Variants in MGST1 observed in about 807,000 individuals in gnomAD.
The protein encoded by MGST1 is glutathione S-transferase 12.
In MGST1, 5 loss-of-function variants were observed where a neutral mutation model predicts 8.9. The ratio of observed to expected loss-of-function variants is 0.56; its 90% CI spans 0.29 to 1.19. The LOEUF is 1.19. Among genes scored for constraint, MGST1 ranks in the 50% most tolerant of loss-of-function variants. The probability of loss-of-function intolerance (pLI) is 0.08; values close to 1 mark genes in which losing one functional copy is unlikely to be tolerated. For missense variants in MGST1, 182 were observed against 187.4 expected (o/e 0.97, Z 0.17); for synonymous variants, 54 against 67.8 (o/e 0.80, Z 1.00).
chr12:16,373,241 G>C (rs531595273), intron 3 of MGST1, among the ~76,000 whole-genome samples: 2 of 151,902 alleles, frequency 1.3e-5, no homozygotes, highest in East Asian at 3.9e-4. Context: ...GGTTACTAGA[G>C]AGGTTGGGAA....
intron 4 of MGST1, among the ~76,000 whole-genome samples, chr12:16,554,883 C>A (rs549670706): frequency 9.8e-4 from 149 of 152,236 alleles, no homozygotes; most frequent in Admixed American, 2.2e-3. Flanking sequence ...TGGTCTCGAT[C>A]TCCCAACCTC....
At chr12:16,406,945 G>A (rs1177905835) in intron 1 of MGST1, among the ~76,000 whole-genome samples, 2 of 152,000 alleles carry the variant, frequency 1.3e-5, no homozygotes, top group Non-Finnish European at 2.9e-5. Context: ...TGAAAACTAA[G>A]TTATAAACAC....
downstream of MGST1, among the ~76,000 whole-genome samples, chr12:16,440,789 T>C (rs1346654501): frequency 6.6e-6 from 1 of 151,804 alleles, no homozygotes; most frequent in Non-Finnish European, 1.5e-5. Context: ...AGTTATAGAA[T>C]TGGTTTTTAT....
intron 4 of MGST1, among the ~76,000 whole-genome samples, chr12:16,557,630 T>G (rs968032931): frequency 2.0e-5 from 3 of 152,114 alleles, no homozygotes; most frequent in African/African-American, 7.2e-5. Flanking sequence ...TTGTGATATA[T>G]GTCTTGTGGG....
chr12:16,456,624 G>A (rs1941175147), intron 4 of MGST1, among the ~76,000 whole-genome samples: 1 of 151,842 alleles, frequency 6.6e-6, no homozygotes, highest in Non-Finnish European at 1.5e-5. Flanking sequence ...TTCCAACAGA[G>A]GTTGAGGGCT....
intron 1 of MGST1, among the ~76,000 whole-genome samples, chr12:16,421,868 A>G (rs1940839057): frequency 6.6e-6 from 1 of 152,154 alleles, no homozygotes; most frequent in Non-Finnish European, 1.5e-5. Context: ...CAGGGGTCCA[A>G]TGTAATTAGC....
At chr12:16,554,795 T>G (rs775213865) in intron 4 of MGST1, among the ~76,000 whole-genome samples, 1 of 152,190 alleles carries the variant, frequency 6.6e-6, no homozygotes, top group Non-Finnish European at 1.5e-5. Flanking sequence ...TAGCTCTGAC[T>G]ACAGGCGCCC....
At chr12:16,380,681 C>A (rs1235184724), downstream of MGST1, among the ~76,000 whole-genome samples, 3 of 152,132 alleles carry the variant, frequency 2.0e-5, no homozygotes, top group Non-Finnish European at 4.4e-5. Context: ...GAGCTGAGTT[C>A]AATTCCTGGG....
chr12:16,438,691 C>T (rs1941012373), exon 2 of MGST1: 1 of 151,764 alleles, frequency 6.6e-6, no homozygotes, highest in Non-Finnish European at 1.5e-5. Context: ...ATGTTGATTT[C>T]TTCCTATTTA....
At chr12:16,501,923 A>T (rs758908261) in intron 4 of MGST1, among the ~76,000 whole-genome samples, 1 of 152,164 alleles carries the variant, frequency 6.6e-6, no homozygotes, top group African/African-American at 2.4e-5. Flanking sequence ...AATTCTATTA[A>T]TTATCTAAAT....
At chr12:16,432,386 A>T (rs1940945475) in intron 1 of MGST1, among the ~76,000 whole-genome samples, 1 of 152,088 alleles carries the variant, frequency 6.6e-6, no homozygotes, top group African/African-American at 2.4e-5. Flanking sequence ...ACAATAAGTT[A>T]GGATTTGGAG....
chr12:16,386,883 C>G (rs1940508296), intron 1 of MGST1, among the ~76,000 whole-genome samples: 1 of 152,214 alleles, frequency 6.6e-6, no homozygotes, highest in Non-Finnish European at 1.5e-5. Flanking sequence ...ATCTTTTTAT[C>G]AAGCGTCTCT....
chr12:16,412,679 C>T (rs570832559), intron 1 of MGST1, among the ~76,000 whole-genome samples: 17 of 152,014 alleles, frequency 1.1e-4, no homozygotes, highest in South Asian at 2.1e-4. Flanking sequence ...TCATGAGATC[C>T]GATGGTTTTA....
At chr12:16,473,309 G>A (rs146537745) in intron 4 of MGST1, among the ~76,000 whole-genome samples, 9 of 152,208 alleles carry the variant, frequency 5.9e-5, no homozygotes, top group African/African-American at 1.7e-4. Flanking sequence ...ATCCTACAAC[G>A]CACAGGACCA....
At chr12:16,515,900 C>A (rs1941610747) in intron 4 of MGST1, among the ~76,000 whole-genome samples, 3 of 152,114 alleles carry the variant, frequency 2.0e-5, no homozygotes, top group African/African-American at 7.2e-5. Flanking sequence ...ATATTCTAGG[C>A]TATGTGTGCT....
intron 4 of MGST1, among the ~76,000 whole-genome samples, chr12:16,454,902 A>AAAAAGAAG (rs1555104768): frequency 7.9e-6 from 1 of 125,996 alleles, no homozygotes; most frequent in African/African-American, 3.2e-5. Context: ...AAAAAAAAAA[A>AAAAAGAAG]AAGGAGATGG....
intron 4 of MGST1, chr12:16,573,791 C>A (rs1565494109): frequency 6.6e-6 from 1 of 152,122 alleles, no homozygotes; most frequent in Non-Finnish European, 1.5e-5. Flanking sequence ...AGAAGTTGAT[C>A]GGGGGTAGAG....
At chr12:16,471,805 A>G (rs780121826) in intron 4 of MGST1, among the ~76,000 whole-genome samples, 10 of 152,136 alleles carry the variant, frequency 6.6e-5, no homozygotes, top group Non-Finnish European at 1.3e-4. Flanking sequence ...ACATCTCACC[A>G]ATGTTGTGGA....
In MGST1 at chr12:16,390,836, G is replaced by C. The variant is rs148028856; in HGVS notation, n.778+7232G>C. 2.8e-3 allele frequency among the ~76,000 whole-genome samples: 419 copies of C among 152,170 alleles called. 4 individuals are homozygous for C. Among genetic ancestry groups the C allele is most frequent in the African/African-American group, 9.7e-3 (404 of 41,502 alleles). On this transcript the variant is annotated intron_variant and non_coding_transcript_variant, in intron 1 of 1. Coordinates refer to the MGST1 transcript ENST00000359720. ...TGGGTATAGACCCAGTAATAGGATT[G>C]CTGGGTCAAATGGTATTTCTGTTTT...
Sources: gnomAD v4.1 joint callset for allele counts (sites outside exome capture counted in the v4.1 genomes callset) on GRCh38, gnomAD v4.1.1 for gene constraint, MANE v1.5 for transcripts, NCBI Gene and HGNC (gene_info 2026-07-23, HGNC 2026-07-21) for gene names.